Variants in BMAL2 observed in about 807,000 individuals in gnomAD.
The protein encoded by BMAL2 is basic helix-loop-helix ARNT like 2.
the BMAL2 span, among the ~76,000 whole-genome samples, chr12:27,342,279 T>C: frequency 1.4e-4 from 22 of 152,360 alleles, no homozygotes; most frequent in South Asian, 2.1e-4. Flanking sequence ...AGAGGAACTC[T>C]GTCTTAGAAG....
At chr12:27,401,553 G>T in the BMAL2 span, 1 of 1,604,762 alleles carries the variant, frequency 6.2e-7, no homozygotes, top group Admixed American at 1.7e-5. Context: ...AATACTTACA[G>T]ATTCCTACAA....
the BMAL2 span, among the ~76,000 whole-genome samples, chr12:27,341,182 G>A: frequency 6.8e-6 from 1 of 147,152 alleles, no homozygotes; most frequent in African/African-American, 2.4e-5. Flanking sequence ...CTTGTCTTGT[G>A]CCAGTTTTCA....
the BMAL2 span, among the ~76,000 whole-genome samples, chr12:27,416,365 A>G: frequency 3.3e-5 from 5 of 152,184 alleles, no homozygotes; most frequent in Admixed American, 2.6e-4. Context: ...ATAGGTTCCA[A>G]TTTAGTAGAT....
the BMAL2 span, chr12:27,420,775 C>T: frequency 5.7e-6 from 2 of 350,492 alleles, no homozygotes; most frequent in Admixed American, 9.0e-5. Context: ...CACTAGTTGC[C>T]ATATTTTTGC....
the BMAL2 span, chr12:27,420,647 T>C: frequency 8.4e-7 from 1 of 1,196,330 alleles, no homozygotes; most frequent in South Asian, 2.2e-5. Flanking sequence ...TTATTAATGT[T>C]CTACCACTTT....
chr12:27,412,441 A>G, the BMAL2 span, among the ~76,000 whole-genome samples: 30 of 152,298 alleles, frequency 2.0e-4, no homozygotes, highest in East Asian at 5.8e-3. Context: ...AATATGAAGG[A>G]AGCCAAGATA....
chr12:27,333,654 G>A, the BMAL2 span, among the ~76,000 whole-genome samples: 1 of 152,260 alleles, frequency 6.6e-6, no homozygotes. Flanking sequence ...CAGGTGGGCA[G>A]GTGCGCGTGG....
the BMAL2 span, chr12:27,370,285 A>G: frequency 7.3e-7 from 1 of 1,362,530 alleles, no homozygotes; most frequent in Admixed American, 1.7e-5. Flanking sequence ...GAGGGCATAG[A>G]GTGGCAGTGA....
the BMAL2 span, among the ~76,000 whole-genome samples, chr12:27,350,216 G>A: frequency 7.2e-5 from 11 of 152,198 alleles, no homozygotes; most frequent in African/African-American, 2.7e-4. Flanking sequence ...ATTAAACACA[G>A]CACTAACTGA....
At chr12:27,403,025 A>C in the BMAL2 span, among the ~76,000 whole-genome samples, 4 of 152,340 alleles carry the variant, frequency 2.6e-5, no homozygotes, top group East Asian at 5.8e-4. Context: ...TCCATTTTTC[A>C]GCCCTAGCAG....
the BMAL2 span, among the ~76,000 whole-genome samples, chr12:27,350,993 C>A: frequency 1.1e-5 from 1 of 89,640 alleles, no homozygotes; most frequent in Non-Finnish European, 2.1e-5. Context: ...ACCCACCCCC[C>A]CTTTTTTTTT....
chr12:27,381,582 C>T, the BMAL2 span, among the ~76,000 whole-genome samples: 28 of 152,234 alleles, frequency 1.8e-4, no homozygotes, highest in Admixed American at 5.2e-4. Context: ...CAAGCATGAT[C>T]CAGTCACCTC....
the BMAL2 span, among the ~76,000 whole-genome samples, chr12:27,392,069 A>G: frequency 1.3e-5 from 2 of 152,196 alleles, no homozygotes; most frequent in African/African-American, 4.8e-5. Context: ...ACACAGGAAT[A>G]TTCACAGGAC....
At chr12:27,414,078 T>C in the BMAL2 span, among the ~76,000 whole-genome samples, 2 of 151,644 alleles carry the variant, frequency 1.3e-5, no homozygotes, top group East Asian at 3.9e-4. Flanking sequence ...TGCAAAACTG[T>C]CATGAGACAA....
At chr12:27,341,567 G>C in the BMAL2 span, among the ~76,000 whole-genome samples, 1 of 152,206 alleles carries the variant, frequency 6.6e-6, no homozygotes, top group Non-Finnish European at 1.5e-5. Context: ...AAAAGCATAA[G>C]TACTATTTCA....
At chr12:27,383,075 T>C in the BMAL2 span, among the ~76,000 whole-genome samples, 2 of 152,226 alleles carry the variant, frequency 1.3e-5, no homozygotes, top group Admixed American at 1.3e-4. Flanking sequence ...GCAATCTGAT[T>C]ACCAGGCGGG....
chr12:27,370,336 C>T, the BMAL2 span: 5 of 787,590 alleles, frequency 6.3e-6, 1 homozygote, highest in African/African-American at 6.8e-5. Context: ...ATCATCTATC[C>T]CAGAGCTTCT....
the BMAL2 span, chr12:27,420,475 A>AT: frequency 6.2e-7 from 1 of 1,613,838 alleles, no homozygotes; most frequent in South Asian, 1.1e-5. Context: ...ATTACTTAGA[A>AT]GCAGAGGGGG....
chr12:27,408,914 A>G, the BMAL2 span, among the ~76,000 whole-genome samples: 8 of 152,238 alleles, frequency 5.3e-5, no homozygotes, highest in African/African-American at 1.7e-4. Flanking sequence ...TACAAAATCA[A>G]TGTGCAAAAA....
Sources: allele counts gnomAD v4.1 joint callset (sites outside exome capture counted in the v4.1 genomes callset), GRCh38; gene constraint gnomAD v4.1.1; transcripts MANE v1.5; gene names NCBI Gene and HGNC (gene_info 2026-07-23, HGNC 2026-07-21).